Variants in CPO observed in about 807,000 individuals in gnomAD.
CPO encodes metallocarboxypeptidase C.
CPO carries 43 observed loss-of-function variants against 41.2 expected under a neutral mutation model. The ratio of observed to expected loss-of-function variants is 1.04; its 90% CI spans 0.82 to 1.35. The LOEUF (loss-of-function observed/expected upper bound fraction) is 1.35, where lower values mean the gene tolerates loss of function less well. CPO is among the 40% of genes most tolerant of loss of function. The probability of loss-of-function intolerance (pLI) is 0.00; values close to 1 mark genes in which losing one functional copy is unlikely to be tolerated. For missense variants in CPO, 408 were observed against 451.7 expected (o/e 0.90, Z 0.88); for synonymous variants, 178 against 162.7 (o/e 1.09, Z -0.72).
intron 2 of CPO, among the ~76,000 whole-genome samples, chr2:206,950,404 C>A (rs71308459): frequency 6.6e-6 from 1 of 151,970 alleles, no homozygotes; most frequent in Non-Finnish European, 1.5e-5. Flanking sequence ...TCTAGAATGG[C>A]GATCATTAAA....
At position 206,959,665 on chromosome 2, in the gene CPO, G is replaced by T. The variant is rs371902561; in HGVS notation, c.407G>T (p.Arg136Leu). The T allele has an allele frequency of 6.4e-6, 10 of 1,557,266 alleles. 1 individual carries two copies. Among genetic ancestry groups the T allele is most frequent in the South Asian group, 5.6e-5 (5 of 89,972 alleles). The change falls in exon 5 of 9, where the codon CGC becomes CTC. Residue 136 changes from arginine (R) to leucine (L), a missense_variant. Coordinates refer to ENST00000272852, the MANE Select transcript of CPO (RefSeq NM_173077.3). ...LQNHKDNSSI[R>L]KLLRNLDFYV... is the part of the protein sequence containing the mutation. ...AACCATAAAGACAACTCAAGTATAC[G>T]CAAGCTCCTTAGGAACCTGGACTTC...
intron 4 of CPO, among the ~76,000 whole-genome samples, chr2:206,958,728 GTTTTTTTTTTTTTTTT>G (rs752377148): frequency 3.7e-5 from 2 of 53,334 alleles, no homozygotes; most frequent in Non-Finnish European, 7.1e-5. Flanking sequence ...AAATTTTCTA[GTTTTTTTTTTTTTTTT>G]TTTTTTTTTT....
chr2:206,955,453 G>A lies in CPO; in HGVS notation c.166-10G>A. 2 of 1,531,316 alleles carry A rather than the reference G, an allele frequency of 1.3e-6. No homozygotes were observed. The highest frequency in any genetic ancestry group is 2.2e-5 in the East Asian group (1 of 44,502). 94.9% of individuals were successfully genotyped at this position (1,531,316 alleles called of 1,614,324 possible). A position where few individuals can be genotyped will look rare whatever the true frequency, so the allele number is the denominator to read the frequency against. Reference sequence around the variant, plus strand: ...CTACTGATAGCCACAGTCCTCCCTTGCTGTTTCAGATCTATGAGTGGATGA... The same window carrying A: ...CTACTGATAGCCACAGTCCTCCCTTACTGTTTCAGATCTATGAGTGGATGA... On this transcript the variant is annotated splice_polypyrimidine_tract_variant and intron_variant, in intron 2 of 8. Coordinates refer to ENST00000272852, the MANE Select transcript of CPO (RefSeq NM_173077.3).
At position 206,959,730 on chromosome 2, in the gene CPO, A is replaced by G. The variant is rs755502446; in HGVS notation, c.472A>G (p.Thr158Ala). The G allele has an allele frequency of 2.8e-6, 4 of 1,445,900 alleles. No homozygotes were observed. In the Admixed American group the frequency reaches 6.7e-5, roughly 24 times the overall value. 89.6% of individuals were successfully genotyped at this position (1,445,900 alleles called of 1,614,324 possible). The change falls in exon 5 of 9, where the codon ACT becomes GCT. Residue 158 changes from threonine (T) to alanine (A), a missense_variant. Coordinates refer to ENST00000272852, the MANE Select transcript of CPO (RefSeq NM_173077.3). ...TCTTAACATAGATGGTTATATCTAC[A>G]CTTGGACAACTGTGAGTACACCATG... ...PVLNIDGYIY[T>A]WTTDRLWRKS... is the part of the protein sequence containing the mutation.
In CPO at chr2:206,959,004, G is replaced by C. The variant is rs189181092; in HGVS notation, c.372+599G>C. On this transcript the variant is annotated intron_variant, in intron 4 of 8. Transcript: ENST00000272852. ...GATCCACCTACCTCGGTCTCCCAAA[G>C]TGCTGGGATTACAGGCATGAGCCAC... Among the ~76,000 whole-genome samples, 1,042 of 151,622 alleles carry C rather than the reference G, an allele frequency of 6.9e-3. 17 individuals carry two copies. Among genetic ancestry groups the C allele is most frequent in the African/African-American group, 0.024 (992 of 41,316 alleles).
chr2:206,969,319 T>C lies in CPO; in HGVS notation c.1008T>C (p.Ala336=), dbSNP rs747355835. The C allele has an allele frequency of 2.3e-5, 37 of 1,613,988 alleles. No individual in the cohort carries two copies. The highest frequency in any genetic ancestry group is 2.9e-5 in the Non-Finnish European group (34 of 1,180,016). ...CCACCTGTGAGGAGACCATGGAGGC[T>C]GTGCTGTCAGTCCTGGATGATGTGT... The part of the protein sequence containing the change: ...IQPTCEETME[A]VLSVLDDVYA... Residue 336 remains alanine, a synonymous_variant, in exon 9 of 9, where the codon GCT becomes GCC. Transcript: ENST00000272852.
chr2:206,957,589 A>G (rs914044741), intron 3 of CPO, among the ~76,000 whole-genome samples: 5 of 152,142 alleles, frequency 3.3e-5, no homozygotes, highest in African/African-American at 1.2e-4. Context: ...GGTCTAGGCT[A>G]TTTACAAATC....
chr2:206,943,755 TAG>T lies in CPO; in HGVS notation c.68+4090_68+4091del, dbSNP rs1491132862. 2.6e-4 allele frequency among the ~76,000 whole-genome samples: 40 copies of T among 151,564 alleles called. 1 individual carries two copies. Among genetic ancestry groups the T allele is most frequent in the Admixed American group, 1.6e-3 (25 of 15,170 alleles). The stretch of plus-strand genomic sequence containing the variant: ...ATAGATAGATAGATAGATAGATAGA[TAG>T]ATAGATAGATAGATAGATAGATGAT... On this transcript the variant is annotated intron_variant, in intron 1 of 8. Transcript: ENST00000272852.
intron 4 of CPO, among the ~76,000 whole-genome samples, chr2:206,959,121 T>C (rs1001962921): frequency 1.3e-5 from 2 of 152,168 alleles, no homozygotes; most frequent in Non-Finnish European, 2.9e-5. Context: ...AGACTTAGCA[T>C]ATGGAAAATA....
At chr2:206,964,715 C>A (rs1693540072) in intron 7 of CPO, among the ~76,000 whole-genome samples, 1 of 152,152 alleles carries the variant, frequency 6.6e-6, no homozygotes, top group African/African-American at 2.4e-5. Flanking sequence ...TCAAGAAGCC[C>A]AGAATGCTCC....
chr2:206,960,857 T>A lies in CPO; in HGVS notation c.489T>A (p.Arg163=). Residue 163 remains arginine, a synonymous_variant, in exon 6 of 9, where the codon CGT becomes CGA. Transcript: ENST00000272852. ...DGYIYTWTTD[R]LWRKSRSPHN... The stretch of plus-strand genomic sequence containing the variant: ...CGTATGTTCCTCTGCTACAGGATCG[T>A]CTTTGGAGGAAATCCCGTTCACCCC... The A allele has an allele frequency of 1.9e-6, 3 of 1,611,834 alleles. No individual in the cohort carries two copies. Among genetic ancestry groups the A allele is most frequent in the Non-Finnish European group, 2.5e-6 (3 of 1,177,908 alleles).
chr2:206,969,229 A>T lies in CPO; in HGVS notation c.918A>T (p.Ser306=). 1 of 1,614,160 alleles carries T rather than the reference A, an allele frequency of 6.2e-7. No individual in the cohort carries two copies. Among genetic ancestry groups the T allele is most frequent in the Non-Finnish European group, 8.5e-7 (1 of 1,179,994 alleles). ...CCCGAGACATTGGGATTCCCTTCTCATATACGTTTGAGCTGAGGGACAGTG... is the reference window on the plus strand; with the variant it reads ...CCCGAGACATTGGGATTCCCTTCTCTTATACGTTTGAGCTGAGGGACAGTG... ...DWARDIGIPF[S]YTFELRDSGT... Residue 306 remains serine, a synonymous_variant, in exon 9 of 9, where the codon TCA becomes TCT. Transcript: ENST00000272852.
chr2:206,966,209 A>G (rs1290278911), intron 7 of CPO, among the ~76,000 whole-genome samples: 2 of 151,206 alleles, frequency 1.3e-5, no homozygotes, highest in Non-Finnish European at 3.0e-5. Flanking sequence ...TGAAAAAAAA[A>G]AAATTTGTTG....
chr2:206,944,350 T>C (rs1052175967), intron 1 of CPO, among the ~76,000 whole-genome samples: 1 of 151,936 alleles, frequency 6.6e-6, no homozygotes, highest in African/African-American at 2.4e-5. Context: ...TACAAAATGA[T>C]CATCTTTTGT....
intron 1 of CPO, among the ~76,000 whole-genome samples, chr2:206,947,476 A>T (rs1251481979): frequency 6.6e-6 from 1 of 152,214 alleles, no homozygotes; most frequent in Non-Finnish European, 1.5e-5. Flanking sequence ...GAAAACCTAG[A>T]TGACTATGGG....
chr2:206,945,828 C>T (rs1019302752), intron 1 of CPO, among the ~76,000 whole-genome samples: 11 of 151,854 alleles, frequency 7.2e-5, no homozygotes, highest in Non-Finnish European at 1.3e-4. Context: ...CCCAGCTACT[C>T]GGGAGGCTGA....
chr2:206,954,972 C>T (rs959799155), intron 2 of CPO, among the ~76,000 whole-genome samples: 7 of 152,320 alleles, frequency 4.6e-5, no homozygotes, highest in African/African-American at 1.7e-4. Flanking sequence ...CACAGAGTCC[C>T]TCCCATGACA....
intron 1 of CPO, 82 bp downstream of exon 1, chr2:206,939,749 G>GCTGGC (rs1180458261): frequency 8.3e-7 from 1 of 1,204,016 alleles, no homozygotes; most frequent in African/African-American, 1.5e-5. Flanking sequence ...GACCAATGCA[G>GCTGGC]CTGGCTTCTC....
At chr2:206,960,402 A>G (rs1486060212) in intron 5 of CPO, among the ~76,000 whole-genome samples, 1 of 151,876 alleles carries the variant, frequency 6.6e-6, no homozygotes, top group Non-Finnish European at 1.5e-5. Flanking sequence ...CTTTATTCCC[A>G]TCTCCACTCA....
Sources: gnomAD v4.1 joint callset for allele counts (sites outside exome capture counted in the v4.1 genomes callset) on GRCh38, gnomAD v4.1.1 for gene constraint, MANE v1.5 for transcripts, NCBI Gene and HGNC (gene_info 2026-07-23, HGNC 2026-07-21) for gene names.